PPP2R1B: variants seen among roughly 807,000 people sequenced by gnomAD.
PPP2R1B encodes the protein protein phosphatase 2 scaffold subunit Abeta.
In PPP2R1B, 58 loss-of-function variants were observed where a neutral mutation model predicts 72.7. That is an observed-to-expected ratio of 0.80 (90% CI 0.65 to 0.99). The LOEUF (loss-of-function observed/expected upper bound fraction) is 0.99, where lower values mean the gene tolerates loss of function less well. Ranked by LOEUF, PPP2R1B falls within the 50% of genes least tolerant of loss-of-function variation. The pLI, the probability that PPP2R1B is intolerant of heterozygous loss-of-function variation, is 0.00. For synonymous variants in PPP2R1B, 256 were observed against 264.6 expected (o/e 0.97, Z 0.32); for missense variants, 695 against 733.6 (o/e 0.95, Z 0.61).
rs782320359 is a variant in PPP2R1B, at chr11:111,753,565, C to T, written c.1042G>A (p.Asp348Asn). 1.4e-5 allele frequency: 22 copies of T among 1,605,258 alleles called. No individual in the cohort carries two copies. Among genetic ancestry groups the T allele is most frequent in the Non-Finnish European group, 1.8e-5 (21 of 1,177,118 alleles). ...GCCGATTTGACATGTTGATTGGTATCGGATACTAATTCCTAAAATAAAATC... is the reference window on the plus strand; with the variant it reads ...GCCGATTTGACATGTTGATTGGTATTGGATACTAATTCCTAAAATAAAATC... ...ILPYIKELVS[D>N]TNQHVKSALA... is the part of the protein sequence containing the mutation. Residue 348 changes from aspartate to asparagine, a missense_variant, in exon 9 of 15, where the codon GAT becomes AAT. Transcript: ENST00000527614.
Position 111,740,115 on chromosome 11 carries a change from G to A in PPP2R1B, c.*1481C>T, listed in dbSNP as rs1459172351. 4.1e-6 allele frequency: 4 copies of A among 985,166 alleles called. No homozygotes were observed. The Admixed American group carries it at 2.5e-4, about 61-fold the overall frequency. 61.0% of individuals were successfully genotyped at this position (985,166 alleles called of 1,614,324 possible). ...AATCAACAATTCAAAAACCAAAAGG[G>A]TAACAAGCAAACCTCATAGCAAGAT... is the stretch of plus-strand genomic sequence containing the variant. On this transcript the variant is annotated 3_prime_UTR_variant, in exon 15 of 15. Transcript: ENST00000527614.
the PPP2R1B span, chr11:111,719,673 A>C: frequency 1.4e-5 from 16 of 1,134,208 alleles, no homozygotes; most frequent in Non-Finnish European, 2.0e-5. Flanking sequence ...TAAATATTTT[A>C]CTTAATTTCT....
intron 11 of PPP2R1B, among the ~76,000 whole-genome samples, chr11:111,746,486 C>T (rs1944709565): frequency 6.6e-6 from 1 of 151,812 alleles, no homozygotes; most frequent in African/African-American, 2.4e-5. Flanking sequence ...GGGTGAGGGG[C>T]GAGGGGAGGG....
the PPP2R1B span, among the ~76,000 whole-genome samples, chr11:111,707,726 T>A: frequency 6.6e-6 from 1 of 152,174 alleles, no homozygotes; most frequent in Non-Finnish European, 1.5e-5. Flanking sequence ...CTAATTTTTT[T>A]AAAAGAAGTG....
At chr11:111,698,018 A>G in the PPP2R1B span, among the ~76,000 whole-genome samples, 2 of 152,160 alleles carry the variant, frequency 1.3e-5, no homozygotes, top group Non-Finnish European at 2.9e-5. Flanking sequence ...TCAAAAGAAT[A>G]TATAAATATA....
Position 111,747,942 on chromosome 11 carries a change from T to C in PPP2R1B, c.1399+12A>G. 1 of 1,601,800 alleles carries C rather than the reference T, an allele frequency of 6.2e-7. No homozygotes were observed. Among genetic ancestry groups the C allele is most frequent in the East Asian group, 2.2e-5 (1 of 44,808 alleles). On this transcript the variant is annotated intron_variant, in intron 11 of 14. Coordinates refer to ENST00000527614, the MANE Select transcript of PPP2R1B (RefSeq NM_002716.5). ...TATATGGGCTTTCAATAATCTGTTTTTATCTACTCACCATGGTCCACGAGC... is the reference window on the plus strand; with the variant it reads ...TATATGGGCTTTCAATAATCTGTTTCTATCTACTCACCATGGTCCACGAGC...
chr11:111,757,835 CAAAAAA>C (rs1334506925), intron 5 of PPP2R1B, among the ~76,000 whole-genome samples: 2 of 103,056 alleles, frequency 1.9e-5, no homozygotes, highest in African/African-American at 6.6e-5. Context: ...AACTCCATCT[CAAAAAA>C]AAAAAAAAAA....
downstream of PPP2R1B, among the ~76,000 whole-genome samples, chr11:111,735,688 C>T (rs669778): frequency 0.13 from 19,578 of 152,270 alleles, 1,511 homozygotes; most frequent in Admixed American, 0.17. Flanking sequence ...GGCCCAGCCC[C>T]AGGGATGTCC....
At chr11:111,703,352 A>T in the PPP2R1B span, 1 of 1,614,178 alleles carries the variant, frequency 6.2e-7, no homozygotes, top group Non-Finnish European at 8.5e-7. Context: ...TGAGCCATCC[A>T]TCGGGGAGTT....
downstream of PPP2R1B, chr11:111,723,345 C>A: frequency 1.3e-6 from 1 of 784,770 alleles, no homozygotes. Flanking sequence ...TTAAGAGACC[C>A]AACACAATTG....
At chr11:111,756,102 C>T (rs1591703004) in intron 5 of PPP2R1B, among the ~76,000 whole-genome samples, 2 of 151,036 alleles carry the variant, frequency 1.3e-5, no homozygotes, top group Non-Finnish European at 2.9e-5. Context: ...CCCAGCTACT[C>T]GGGAGGCTGA....
chr11:111,716,933 A>G, the PPP2R1B span, among the ~76,000 whole-genome samples: 1 of 152,204 alleles, frequency 6.6e-6, no homozygotes, highest in African/African-American at 2.4e-5. Context: ...CAAATTTACA[A>G]GAAAAATCCC....
chr11:111,757,487 A>T (rs970841007), intron 5 of PPP2R1B, among the ~76,000 whole-genome samples: 1 of 152,230 alleles, frequency 6.6e-6, no homozygotes, highest in African/African-American at 2.4e-5. Flanking sequence ...ATGATGCTAA[A>T]TCATGGGACT....
the PPP2R1B span, chr11:111,720,696 G>A: frequency 6.2e-7 from 1 of 1,613,622 alleles, no homozygotes; most frequent in African/African-American, 1.3e-5. Flanking sequence ...GAAACGAGAG[G>A]TCCACAACAG....
rs1944943237 is a variant in PPP2R1B, at chr11:111,752,408, A to G, written c.1165-76T>C. On this transcript the variant is annotated intron_variant, in intron 9 of 14. Transcript: ENST00000527614. ...CCCAACAGTCTCCTGTCAGGGTAAG[A>G]TAAAAGGTGAGGTAAGACTCAGGTG... is the stretch of plus-strand genomic sequence containing the variant. 4.2e-6 allele frequency: 6 copies of G among 1,417,716 alleles called. No individual in the cohort carries two copies. The South Asian group carries it at 9.4e-5, about 22-fold the overall frequency. 87.8% of individuals were successfully genotyped at this position (1,417,716 alleles called of 1,614,324 possible).
chr11:111,752,728 C>T (rs1591695567), intron 9 of PPP2R1B, among the ~76,000 whole-genome samples: 2 of 152,282 alleles, frequency 1.3e-5, no homozygotes, highest in African/African-American at 4.8e-5. Context: ...GTAATCCCAG[C>T]ACTTTGGGAG....
chr11:111,689,432 A>G, the PPP2R1B span, among the ~76,000 whole-genome samples: 1 of 152,188 alleles, frequency 6.6e-6, no homozygotes, highest in South Asian at 2.1e-4. Context: ...ATCTAGTGCA[A>G]TAGTCCATTT....
the PPP2R1B span, chr11:111,701,479 G>A: frequency 6.2e-7 from 1 of 1,613,842 alleles, no homozygotes. The surrounding 1 kb of genome is among the most constrained non-coding windows in gnomAD (Gnocchi z 4.2). Context: ...TTATGTCCTT[G>A]TCTGTGGAGC....
Position 111,753,563 on chromosome 11 carries a change from A to G in PPP2R1B, c.1044T>C (p.Asp348=). 2.5e-6 allele frequency: 4 copies of G among 1,605,886 alleles called. No individual in the cohort carries two copies. Among genetic ancestry groups the G allele is most frequent in the Non-Finnish European group, 3.4e-6 (4 of 1,177,360 alleles). Residue 348 remains aspartate (D), a synonymous_variant, in exon 9 of 15, where the codon GAT becomes GAC. Coordinates refer to ENST00000527614, the MANE Select transcript of PPP2R1B (RefSeq NM_002716.5). ...ILPYIKELVS[D]TNQHVKSALA... is the part of the protein sequence containing the mutation. Reference sequence around the variant, plus strand: ...GAGCCGATTTGACATGTTGATTGGTATCGGATACTAATTCCTAAAATAAAA... The same window carrying G: ...GAGCCGATTTGACATGTTGATTGGTGTCGGATACTAATTCCTAAAATAAAA...
Sources: gnomAD v4.1 joint callset for allele counts (sites outside exome capture counted in the v4.1 genomes callset) on GRCh38, gnomAD v4.1.1 for gene constraint, Gnocchi (gnomAD v3.1) non-coding constraint, MANE v1.5 for transcripts, NCBI Gene and HGNC (gene_info 2026-07-23, HGNC 2026-07-21) for gene names.